The following TMEM243 variants were observed in gnomAD, a reference collection of about 807,000 sequenced individuals.
TMEM243 encodes the protein MDR1 and mitochondrial taxol resistance associated.
A neutral mutation model predicts 15.0 loss-of-function variants in TMEM243; 20 were observed. The ratio of observed to expected loss-of-function variants is 1.33; its 90% CI spans 0.94 to 1.93. TMEM243 has a LOEUF of 1.93. Among genes scored for constraint, TMEM243 ranks in the 30% most tolerant of loss-of-function variants. TMEM243 has a pLI of 0.00. For synonymous variants in TMEM243, 72 were observed against 52.7 expected, an observed-to-expected ratio of 1.37 and a Z score of -1.59; for missense variants, 156 against 142.1, an observed-to-expected ratio of 1.10 and a Z score of -0.50.
At chr7:87,198,205 T>C (rs1801506434) in intron 2 of TMEM243, 160 bp from the exon 3 acceptor site, 2 of 551,848 alleles carry the variant, frequency 3.6e-6, no homozygotes, top group Non-Finnish European at 6.3e-6. Flanking sequence ...ATTATAAATA[T>C]GTTCGAGTTA....
Position 87,197,688 on chromosome 7 carries a change from ATTTTTTTTTTTT to A in TMEM243, c.234+241_234+252del, listed in dbSNP as rs71906317. Reference sequence around the variant, plus strand: ...TTTGGCCACCTACGTCTTTCCACTAATTTTTTTTTTTTTTTTTTTTTTTTTTTTAAGCTATCA... The same window carrying A: ...TTTGGCCACCTACGTCTTTCCACTAATTTTTTTTTTTTTTTTAAGCTATCA... On this transcript the variant is annotated intron_variant, in intron 3 of 3. Transcript: ENST00000257637. The A allele has an allele frequency of 1.7e-5, 17 of 982,100 alleles. No individual in the cohort carries two copies. In the East Asian group the frequency reaches 1.9e-4, roughly 11 times the overall value. 60.8% of individuals were successfully genotyped at this position (982,100 alleles called of 1,614,324 possible).
intron 1 of TMEM243, among the ~76,000 whole-genome samples, chr7:87,215,316 C>T (rs1803027086): frequency 6.6e-6 from 1 of 151,998 alleles, no homozygotes; most frequent in Admixed American, 6.6e-5. Context: ...GTTGCTCAGG[C>T]TGGTTTCAAA....
chr7:87,209,816 G>A (rs1307083741), intron 1 of TMEM243, among the ~76,000 whole-genome samples: 1 of 144,894 alleles, frequency 6.9e-6, no homozygotes, highest in Non-Finnish European at 1.5e-5. Flanking sequence ...GAGACAGTGA[G>A]AGAGCGAGAG....
intron 1 of TMEM243, among the ~76,000 whole-genome samples, chr7:87,203,662 TTGTA>T (rs896777135): frequency 3.9e-5 from 6 of 152,082 alleles, no homozygotes; most frequent in African/African-American, 1.4e-4. Context: ...ACGCAAATGT[TTGTA>T]TGAAGATTTC....
Position 87,196,475 on chromosome 7 carries a change from G to GAT in TMEM243, c.*159_*160dup. On this transcript the variant is annotated 3_prime_UTR_variant, in exon 4 of 4. Transcript: ENST00000257637. The stretch of plus-strand genomic sequence containing the variant: ...TTAAAGAAAAAGCAAAGTGATCTAG[G>GAT]ATATGTCTCCCTTGCAAGAGGGAAT... The GAT allele has an allele frequency of 1.5e-6, 1 of 681,124 alleles. No individual in the cohort carries two copies. Among genetic ancestry groups the GAT allele is most frequent in the Non-Finnish European group, 2.4e-6 (1 of 422,730 alleles). 42.2% of individuals were successfully genotyped at this position (681,124 alleles called of 1,614,324 possible). A position where few individuals can be genotyped will look rare whatever the true frequency, so the allele number is the denominator to read the frequency against.
chr7:87,215,755 T>C (rs912977371), intron 1 of TMEM243, among the ~76,000 whole-genome samples: 1 of 152,202 alleles, frequency 6.6e-6, no homozygotes, highest in Admixed American at 6.5e-5. Context: ...ATTCATAAGA[T>C]AGCCAACCTA....
chr7:87,218,025 A>G (rs1462683070), intron 1 of TMEM243, among the ~76,000 whole-genome samples: 1 of 152,254 alleles, frequency 6.6e-6, no homozygotes, highest in Admixed American at 6.5e-5. Flanking sequence ...CACGCTGGGG[A>G]GGCACTCTCT....
At chr7:87,205,596 A>G (rs1027708749) in intron 1 of TMEM243, among the ~76,000 whole-genome samples, 7 of 152,290 alleles carry the variant, frequency 4.6e-5, no homozygotes, top group African/African-American at 1.7e-4. Flanking sequence ...GCAAAGTGCC[A>G]CCAGTCTCTT....
At chr7:87,203,651 A>T (rs1801989534) in intron 1 of TMEM243, among the ~76,000 whole-genome samples, 1 of 152,096 alleles carries the variant, frequency 6.6e-6, no homozygotes, top group African/African-American at 2.4e-5. Context: ...TTCTCATTTA[A>T]ACGCAAATGT....
chr7:87,198,347 T>C (rs965725011), intron 2 of TMEM243: 13 of 289,286 alleles, frequency 4.5e-5, no homozygotes, highest in African/African-American at 2.4e-4. Context: ...TGGTAAAAGT[T>C]CTAGCCATTT....
intron 1 of TMEM243, among the ~76,000 whole-genome samples, chr7:87,204,508 G>A (rs183508087): frequency 2.0e-4 from 31 of 151,836 alleles, no homozygotes; most frequent in East Asian, 1.4e-3. Flanking sequence ...ATGGGGGTAC[G>A]GGCATTGAGT....
At chr7:87,212,623 T>C (rs1802831759) in intron 1 of TMEM243, among the ~76,000 whole-genome samples, 1 of 152,084 alleles carries the variant, frequency 6.6e-6, no homozygotes, top group Admixed American at 6.5e-5. Context: ...AAGAGAAAAA[T>C]GATTTTAATT....
At chr7:87,213,510 T>C (rs1048788875) in intron 1 of TMEM243, among the ~76,000 whole-genome samples, 25 of 152,174 alleles carry the variant, frequency 1.6e-4, no homozygotes, top group African/African-American at 5.8e-4. Context: ...GAGAATAGCA[T>C]TGGTAGCTCT....
chr7:87,219,112 G>A (rs2129242568), intron 1 of TMEM243, among the ~76,000 whole-genome samples: 1 of 152,216 alleles, frequency 6.6e-6, no homozygotes. Flanking sequence ...TACTCCTGCT[G>A]GAGGTGCAGC....
chr7:87,205,870 G>A (rs895334348), intron 1 of TMEM243, among the ~76,000 whole-genome samples: 2 of 151,974 alleles, frequency 1.3e-5, no homozygotes, highest in East Asian at 1.9e-4. Context: ...TTCCAAAGTT[G>A]CTTCCACATT....
At chr7:87,215,632 C>T (rs890188648) in intron 1 of TMEM243, among the ~76,000 whole-genome samples, 1 of 152,096 alleles carries the variant, frequency 6.6e-6, no homozygotes, top group African/African-American at 2.4e-5. Flanking sequence ...TCAGATATTT[C>T]TTATCATCTT....
chr7:87,202,822 C>CT (rs1229496677), intron 1 of TMEM243: 1 of 152,236 alleles, frequency 6.6e-6, no homozygotes, highest in African/African-American at 2.4e-5. Context: ...CCATTTGACT[C>CT]TATCAAATGA....
Position 87,209,864 on chromosome 7 carries a change from G to C in TMEM243, c.78+9562C>G, listed in dbSNP as rs186814538. 7.7e-4 allele frequency among the ~76,000 whole-genome samples: 114 copies of C among 147,420 alleles called. 4 individuals are homozygous for C. The highest frequency in any genetic ancestry group is 1.3e-3 in the Non-Finnish European group (90 of 66,898). On this transcript the variant is annotated intron_variant, in intron 1 of 3. Transcript: ENST00000257637. ...AGACAGTGAGAGCGAGAGAGAGAGA[G>C]AGCAAGAGACAGTGAGAGCGTGAGA...
chr7:87,211,274 T>C (rs577198427), intron 1 of TMEM243, among the ~76,000 whole-genome samples: 71 of 152,316 alleles, frequency 4.7e-4, no homozygotes, highest in African/African-American at 1.6e-3. Context: ...TCCCATTTTA[T>C]ACTCATCCCT....
Sources: gnomAD v4.1 joint callset for allele counts (sites outside exome capture counted in the v4.1 genomes callset) on GRCh38, gnomAD v4.1.1 for gene constraint, MANE v1.5 for transcripts, NCBI Gene and HGNC (gene_info 2026-07-23, HGNC 2026-07-21) for gene names.